ASTN2: variants seen among roughly 807,000 people sequenced by gnomAD.
ASTN2 encodes astrotactin 2, also known as astrotactin-2.
A neutral mutation model predicts 139.8 loss-of-function variants in ASTN2; 54 were observed. That is an observed-to-expected ratio of 0.39 (90% CI 0.31 to 0.48). ASTN2 has a LOEUF of 0.48. Ranked by LOEUF, ASTN2 falls within the 20% of genes least tolerant of loss-of-function variation. The pLI is 0.95. For synonymous variants in ASTN2, 756 were observed against 719.5 expected, an observed-to-expected ratio of 1.05 and a Z score of -0.81; for missense variants, 1,565 against 1,725.1, an observed-to-expected ratio of 0.91 and a Z score of 1.64.
At chr9:117,206,523 C>T (rs1831930756) in intron 3 of ASTN2, among the ~76,000 whole-genome samples, 1 of 152,166 alleles carries the variant, frequency 6.6e-6, no homozygotes, top group Non-Finnish European at 1.5e-5. Flanking sequence ...GCACGGTACA[C>T]ACCTCATGAG....
chr9:117,002,581 TTTAAC>T (rs1475274668), intron 7 of ASTN2, among the ~76,000 whole-genome samples: 1 of 152,304 alleles, frequency 6.6e-6, no homozygotes, highest in East Asian at 1.9e-4. Context: ...CTGCAAAATA[TTTAAC>T]TTGAGTTCTT....
intron 10 of ASTN2, among the ~76,000 whole-genome samples, chr9:116,966,486 G>T (rs891933178): frequency 1.3e-5 from 2 of 152,130 alleles, no homozygotes; most frequent in African/African-American, 4.8e-5. Context: ...AACAATGTTT[G>T]AAGAGATTTA....
At chr9:116,983,953 T>G (rs981539749) in intron 7 of ASTN2, among the ~76,000 whole-genome samples, 6 of 152,202 alleles carry the variant, frequency 3.9e-5, no homozygotes, top group African/African-American at 7.2e-5. Flanking sequence ...AGATGCTTAC[T>G]TATAGTTGTG....
chr9:116,993,869 TA>T (rs1836933767), intron 7 of ASTN2, among the ~76,000 whole-genome samples: 1 of 141,680 alleles, frequency 7.1e-6, no homozygotes, highest in African/African-American at 2.7e-5. Context: ...TATATATATA[TA>T]TATATATTTT....
At chr9:117,119,002 C>T (rs772220037) in intron 4 of ASTN2, among the ~76,000 whole-genome samples, 2 of 152,166 alleles carry the variant, frequency 1.3e-5, no homozygotes, top group Non-Finnish European at 2.9e-5. Context: ...CTCTCTCTTA[C>T]AGAAGAATAG....
At chr9:117,156,047 T>C (rs1416601697) in intron 3 of ASTN2, among the ~76,000 whole-genome samples, 1 of 152,000 alleles carries the variant, frequency 6.6e-6, no homozygotes, top group African/African-American at 2.4e-5. Flanking sequence ...ATTGTAATGG[T>C]ATCATGAGGA....
intron 1 of ASTN2, among the ~76,000 whole-genome samples, chr9:117,336,910 TA>T (rs1336342895): frequency 1.3e-5 from 2 of 152,270 alleles, no homozygotes; most frequent in East Asian, 3.9e-4. Context: ...AAAATAAATA[TA>T]AAACACCACA....
chr9:117,409,322 A>G (rs1588021691), intron 1 of ASTN2, among the ~76,000 whole-genome samples: 1 of 152,296 alleles, frequency 6.6e-6, no homozygotes, highest in Non-Finnish European at 1.5e-5. Flanking sequence ...TGATTCAGCA[A>G]AAGGAGGTAA....
At chr9:116,744,295 G>T (rs1829177057) in intron 13 of ASTN2, among the ~76,000 whole-genome samples, 1 of 152,162 alleles carries the variant, frequency 6.6e-6, no homozygotes, top group Admixed American at 6.5e-5. Context: ...TAGGGCTAGA[G>T]GAGGCCACAT....
intron 10 of ASTN2, among the ~76,000 whole-genome samples, chr9:116,880,852 C>A (rs1422871775): frequency 6.6e-6 from 1 of 152,094 alleles, no homozygotes; most frequent in African/African-American, 2.4e-5. Context: ...TGAGACATGA[C>A]CCCCGCCTTC....
At chr9:117,005,483 C>G (rs1427873350) in intron 7 of ASTN2, among the ~76,000 whole-genome samples, 1 of 152,142 alleles carries the variant, frequency 6.6e-6, no homozygotes, top group Admixed American at 6.5e-5. Context: ...ACACTTCCTT[C>G]CAGTTCCTCA....
At chr9:116,495,641 T>C (rs1401934731) in intron 19 of ASTN2, among the ~76,000 whole-genome samples, 4 of 152,218 alleles carry the variant, frequency 2.6e-5, no homozygotes, top group Non-Finnish European at 5.9e-5. Flanking sequence ...CTATGAGGTA[T>C]GTTTTATGAT....
intron 20 of ASTN2, among the ~76,000 whole-genome samples, chr9:116,464,555 T>TC (rs1382560424): frequency 6.6e-5 from 10 of 152,190 alleles, no homozygotes; most frequent in African/African-American, 2.2e-4. Flanking sequence ...AGTTATGTGG[T>TC]CCATTCATGT....
intron 18 of ASTN2, among the ~76,000 whole-genome samples, 199 bp downstream of exon 18, chr9:116,620,111 T>C (rs1288030556): frequency 6.6e-6 from 1 of 152,088 alleles, no homozygotes; most frequent in Non-Finnish European, 1.5e-5. Flanking sequence ...TGCACTGCAA[T>C]ATCAGTGTCT....
intron 1 of ASTN2, among the ~76,000 whole-genome samples, chr9:117,374,617 A>C (rs1396989021): frequency 6.6e-6 from 1 of 152,194 alleles, no homozygotes; most frequent in Non-Finnish European, 1.5e-5. Flanking sequence ...ATACAAAAGA[A>C]GGCACCAAGT....
At chr9:117,303,208 C>T (rs1834918684) in intron 1 of ASTN2, among the ~76,000 whole-genome samples, 1 of 152,118 alleles carries the variant, frequency 6.6e-6, no homozygotes, top group African/African-American at 2.4e-5. Context: ...GCTTTTATCT[C>T]CTCTGTGTCC....
In ASTN2 at chr9:116,699,692, T is replaced by G; in HGVS notation, c.2806+26079A>C. The G allele has an allele frequency of 6.2e-7, 1 of 1,614,200 alleles. No individual in the cohort carries two copies. The highest frequency in any genetic ancestry group is 8.5e-7 in the Non-Finnish European group (1 of 1,180,038). ...TCTACAGCTACCATCTGAGAAGATATTCCACCCCATAGGGGATGAGAAATT... is the reference window on the plus strand; with the variant it reads ...TCTACAGCTACCATCTGAGAAGATAGTCCACCCCATAGGGGATGAGAAATT... On this transcript the variant is annotated intron_variant, in intron 16 of 22. Coordinates refer to ENST00000313400, the MANE Select transcript of ASTN2 (RefSeq NM_001365068.1). The surrounding 1 kb of genome is among the most constrained non-coding windows in gnomAD (Gnocchi z 4.2).
intron 16 of ASTN2, among the ~76,000 whole-genome samples, chr9:116,688,246 T>C (rs1454476304): frequency 6.6e-6 from 1 of 151,750 alleles, no homozygotes; most frequent in Non-Finnish European, 1.5e-5. Context: ...AGATTGGAAT[T>C]TGGAATTGTA....
In ASTN2 at chr9:116,727,013, AACACACACACAC is replaced by A. The variant is rs34050784; in HGVS notation, c.2627-1075_2627-1064del. Among the ~76,000 whole-genome samples the A allele has an allele frequency of 1.8e-3, 264 of 144,506 alleles. 3 individuals are homozygous for A. The highest frequency in any genetic ancestry group is 7.3e-3 in the South Asian group (32 of 4,360). The allele number at this position is 144,506 out of a possible 152,430, so 94.8% of individuals were successfully genotyped here. A position where few individuals can be genotyped will look rare whatever the true frequency, so the allele number is the denominator to read the frequency against. ...CTTTCCTTGCATTCTCACTACACTCAACACACACACACACACACACACACACACACACACACA... is the reference window on the plus strand; with the variant it reads ...CTTTCCTTGCATTCTCACTACACTCAACACACACACACACACACACACACA... On this transcript the variant is annotated intron_variant, in intron 15 of 22. Transcript: ENST00000313400.
Sources: gnomAD v4.1 joint callset for allele counts (sites outside exome capture counted in the v4.1 genomes callset) on GRCh38, gnomAD v4.1.1 for gene constraint, Gnocchi (gnomAD v3.1) non-coding constraint, MANE v1.5 for transcripts, NCBI Gene and HGNC (gene_info 2026-07-23, HGNC 2026-07-21) for gene names.